The following PPM1F variants were observed in gnomAD, a reference collection of about 807,000 sequenced individuals.
PPM1F encodes protein phosphatase, Mg2+/Mn2+ dependent 1F.
A neutral mutation model predicts 35.5 loss-of-function variants in PPM1F; 17 were observed. The ratio of observed to expected loss-of-function variants is 0.48; its 90% CI spans 0.33 to 0.72. The LOEUF (loss-of-function observed/expected upper bound fraction) is 0.72, where lower values mean the gene tolerates loss of function less well. Ranked by LOEUF, PPM1F falls within the 30% of genes least tolerant of loss-of-function variation. PPM1F has a pLI of 0.02. For missense variants in PPM1F, 521 were observed against 613.0 expected (o/e 0.85, Z 1.59); for synonymous variants, 241 against 255.5 (o/e 0.94, Z 0.54).
At chr22:21,930,954 G>C (rs778038083) in intron 6 of PPM1F, among the ~76,000 whole-genome samples, 194 bp downstream of exon 6, 2 of 152,194 alleles carry the variant, frequency 1.3e-5, no homozygotes, top group Non-Finnish European at 2.9e-5. Context: ...GCTCCATATA[G>C]CTGTGACCCA....
intron 1 of PPM1F, chr22:21,948,360 A>G (rs569969380): frequency 6.6e-6 from 1 of 150,900 alleles, no homozygotes; most frequent in East Asian, 2.0e-4. Context: ...AAAGCAAAAA[A>G]GGAAAAATCA....
rs1449291505 is a variant in PPM1F, at chr22:21,922,291, A to T, written c.*801T>A. 2 of 152,628 alleles carry T rather than the reference A, an allele frequency of 1.3e-5. No individual in the cohort carries two copies. Among genetic ancestry groups the T allele is most frequent in the African/African-American group, 2.4e-5 (1 of 41,472 alleles). 9.5% of individuals were successfully genotyped at this position (152,628 alleles called of 1,614,324 possible). A position where few individuals can be genotyped will look rare whatever the true frequency, so the allele number is the denominator to read the frequency against. ...ATACTTAAGTTTTCTAAAGAATAAA[A>T]TAAATGCTAAGCTCTGCTTAAATTA... is the stretch of plus-strand genomic sequence containing the variant. On this transcript the variant is annotated 3_prime_UTR_variant, in exon 8 of 8. Coordinates refer to ENST00000263212, the MANE Select transcript of PPM1F (RefSeq NM_014634.4).
Position 21,922,849 on chromosome 22 carries a change from CCGG to C in PPM1F, c.*240_*242del. On this transcript the variant is annotated 3_prime_UTR_variant, in exon 8 of 8. Coordinates refer to ENST00000263212, the MANE Select transcript of PPM1F (RefSeq NM_014634.4). ...GCCTAATAGGAGCTGGGAGCAAGAG[CCGG>C]TCCATCTTCTCTTTGGTGAGGTCTC... is the stretch of plus-strand genomic sequence containing the variant. The C allele has an allele frequency of 9.6e-6, 5 of 519,826 alleles. No homozygotes were observed. The South Asian group carries it at 1.5e-4, about 16-fold the overall frequency. The allele number at this position is 519,826 out of a possible 1,614,324, so 32.2% of individuals were successfully genotyped here. A position where few individuals can be genotyped will look rare whatever the true frequency, so the allele number is the denominator to read the frequency against.
intron 7 of PPM1F, among the ~76,000 whole-genome samples, chr22:21,924,467 C>T (rs900234579): frequency 2.6e-5 from 4 of 152,142 alleles, no homozygotes; most frequent in Non-Finnish European, 5.9e-5. Context: ...GATGGGGTTT[C>T]ACCATGTTGG....
intron 5 of PPM1F, among the ~76,000 whole-genome samples, chr22:21,932,287 C>G (rs141323320): frequency 6.6e-6 from 1 of 152,344 alleles, no homozygotes; most frequent in East Asian, 1.9e-4. Context: ...CAGAGAATCC[C>G]TTTTCTACTC....
intron 3 of PPM1F, chr22:21,935,855 G>A (rs2070652605): frequency 6.6e-6 from 1 of 152,188 alleles, no homozygotes; most frequent in African/African-American, 2.4e-5. Context: ...AAATTAGCTG[G>A]GCGTGCTGGC....
At chr22:21,934,956 T>C (rs978100285) in intron 3 of PPM1F, 1 of 149,866 alleles carries the variant, frequency 6.7e-6, no homozygotes, top group Non-Finnish European at 1.5e-5. Flanking sequence ...ATGATTTTCA[T>C]AACGAAATAT....
chr22:21,934,373 A>G (rs970792476), intron 3 of PPM1F, 147 bp from the exon 4 acceptor site: 3 of 630,660 alleles, frequency 4.8e-6, no homozygotes, highest in East Asian at 2.9e-5. Flanking sequence ...TAACGCGCAC[A>G]TGGCAGCCTG....
intron 1 of PPM1F, chr22:21,948,003 G>A (rs1417868294): frequency 6.6e-6 from 1 of 152,210 alleles, no homozygotes; most frequent in Non-Finnish European, 1.5e-5. Flanking sequence ...TTTAGAGGCA[G>A]AATTGAAAGG....
At chr22:21,937,999 C>T in intron 3 of PPM1F, 2 of 1,003,706 alleles carry the variant, frequency 2.0e-6, no homozygotes, top group Non-Finnish European at 2.6e-6. Context: ...GGCTTGGAGT[C>T]CAAAAACTTG....
In PPM1F at chr22:21,921,732, G is replaced by A. The variant is rs2070450259; in HGVS notation, c.*1360C>T. On this transcript the variant is annotated 3_prime_UTR_variant, in exon 8 of 8. Coordinates refer to ENST00000263212, the MANE Select transcript of PPM1F (RefSeq NM_014634.4). ...ACAGAGACCCACGGGCTGCCTCTGT[G>A]CTTGCCTGAGCCTCTTAATTAAGAG... 1 of 152,274 alleles carries A rather than the reference G, an allele frequency of 6.6e-6. No homozygotes were observed. The highest frequency in any genetic ancestry group is 1.5e-5 in the Non-Finnish European group (1 of 68,056). 9.4% of individuals were successfully genotyped at this position (152,274 alleles called of 1,614,324 possible).
At chr22:21,926,456 G>A (rs139491605) in intron 6 of PPM1F, among the ~76,000 whole-genome samples, 3 of 152,182 alleles carry the variant, frequency 2.0e-5, no homozygotes, top group African/African-American at 7.2e-5. Context: ...CTCTACCCAA[G>A]CTCAGCACAG....
rs56062012 is a variant in PPM1F at position 21,951,349 on chromosome 22, C to CTT, written c.-61+1441_-61+1442dup. The CTT allele has an allele frequency of 2.3e-3, 232 of 99,298 alleles. 2 individuals are homozygous for CTT. The highest frequency in any genetic ancestry group is 8.2e-3 in the Middle Eastern group (1 of 122). The allele number at this position is 99,298 out of a possible 1,614,324, so 6.2% of individuals were successfully genotyped here. A position where few individuals can be genotyped will look rare whatever the true frequency, so the allele number is the denominator to read the frequency against. On this transcript the variant is annotated intron_variant, in intron 1 of 7. Coordinates refer to ENST00000263212, the MANE Select transcript of PPM1F (RefSeq NM_014634.4). ...GGTTGGCTTCAGGTCAGATGGTATC[C>CTT]TTTTTTTTTTTTTTTTTTTTTTTGA...
intron 3 of PPM1F, 73 bp from the exon 4 acceptor site, chr22:21,934,299 A>G: frequency 7.5e-7 from 1 of 1,331,634 alleles, no homozygotes; most frequent in African/African-American, 1.5e-5. Flanking sequence ...GCTCCCTGAC[A>G]GCTCCCACAG....
At chr22:21,935,661 G>A (rs1335004598) in intron 3 of PPM1F, 1 of 152,158 alleles carries the variant, frequency 6.6e-6, no homozygotes, top group Non-Finnish European at 1.5e-5. Flanking sequence ...TTGAGGTCAG[G>A]AGTTCAAGAC....
At chr22:21,938,178 G>A (rs1484276751) in intron 3 of PPM1F, 1 of 1,303,404 alleles carries the variant, frequency 7.7e-7, no homozygotes, top group Non-Finnish European at 1.0e-6. Context: ...CTGGGCTGGT[G>A]CCGGCGCAGC....
chr22:21,947,564 C>G (rs996027539), intron 1 of PPM1F: 2 of 152,162 alleles, frequency 1.3e-5, no homozygotes, highest in African/African-American at 4.8e-5. Context: ...TGAGGAACAC[C>G]CCGAGTTCTA....
chr22:21,931,021 GC>G, intron 6 of PPM1F, 126 bp downstream of exon 6: 2 of 1,449,432 alleles, frequency 1.4e-6, no homozygotes, highest in Non-Finnish European at 1.8e-6. Context: ...CAGGCAGGGA[GC>G]CCTCCCTCTT....
intron 2 of PPM1F, chr22:21,944,487 GCT>G (rs767516174): frequency 6.6e-6 from 1 of 152,244 alleles, no homozygotes; most frequent in Admixed American, 6.5e-5. Flanking sequence ...GAGGATGGTG[GCT>G]CTGTCAGAGG....
Sources: gnomAD v4.1 joint callset for allele counts (sites outside exome capture counted in the v4.1 genomes callset) on GRCh38, gnomAD v4.1.1 for gene constraint, MANE v1.5 for transcripts, NCBI Gene and HGNC (gene_info 2026-07-23, HGNC 2026-07-21) for gene names.